The following RASGRP2 variants were observed in gnomAD, a reference collection of about 807,000 sequenced individuals.
RASGRP2 encodes RAS guanyl-releasing protein 2.
RASGRP2 carries 44 observed loss-of-function variants against 71.0 expected under a neutral mutation model. The ratio of observed to expected loss-of-function variants is 0.62; its 90% CI spans 0.49 to 0.80. RASGRP2 has a LOEUF of 0.80. Ranked by LOEUF, RASGRP2 falls within the 30% of genes least tolerant of loss-of-function variation. The pLI, the probability that RASGRP2 is intolerant of heterozygous loss-of-function variation, is 0.00. For missense variants in RASGRP2, 663 were observed against 813.4 expected (o/e 0.82, Z 2.25); for synonymous variants, 350 against 330.7 (o/e 1.06, Z -0.63).
chr11:64,729,554 C>T (rs568012452), intron 14 of RASGRP2, among the ~76,000 whole-genome samples: 1 of 152,226 alleles, frequency 6.6e-6, no homozygotes, highest in African/African-American at 2.4e-5. Context: ...TCAGGCTGGT[C>T]TTGAACTCCT....
At chr11:64,738,488 G>C (rs918357951) in intron 8 of RASGRP2, among the ~76,000 whole-genome samples, 2 of 152,062 alleles carry the variant, frequency 1.3e-5, no homozygotes, top group Admixed American at 6.6e-5. Context: ...CCAGGCTGGA[G>C]TGAAGTGGCA....
At chr11:64,737,910 G>C (rs909660570) in intron 8 of RASGRP2, among the ~76,000 whole-genome samples, 1 of 151,656 alleles carries the variant, frequency 6.6e-6, no homozygotes, top group Non-Finnish European at 1.5e-5. Context: ...GCCAGACGTG[G>C]TGGTACGAGC....
intron 12 of RASGRP2, among the ~76,000 whole-genome samples, chr11:64,731,261 C>T (rs941265445): frequency 6.6e-6 from 1 of 151,186 alleles, no homozygotes; most frequent in Non-Finnish European, 1.5e-5. Context: ...GAGGCTAAGG[C>T]ACGAGAATCA....
At chr11:64,737,064 C>T in intron 8 of RASGRP2, 30 bp from the exon 9 acceptor site, 2 of 1,612,432 alleles carry the variant, frequency 1.2e-6, no homozygotes, top group Non-Finnish European at 1.7e-6. Context: ...GAGTCATACC[C>T]CCACAACTAT....
Position 64,742,119 on chromosome 11 carries a change from C to G in RASGRP2, c.74-7G>C, listed in dbSNP as rs761571079. 1 of 1,578,294 alleles carries G rather than the reference C, an allele frequency of 6.3e-7. No homozygotes were observed. Among genetic ancestry groups the G allele is most frequent in the South Asian group, 1.2e-5 (1 of 86,526 alleles). ...CGCACCTTCCCGGAGTCATCTGACT[C>G]CGAAGGGTCAAAGACAGGTGGCTGA... On this transcript the variant is annotated splice_polypyrimidine_tract_variant and splice_region_variant and intron_variant, in intron 2 of 16. Transcript: ENST00000394432. The surrounding 1 kb of genome is among the most constrained non-coding windows in gnomAD (Gnocchi z 4.7).
chr11:64,726,917 T>G lies in RASGRP2; in HGVS notation c.*221A>C. On this transcript the variant is annotated 3_prime_UTR_variant, in exon 17 of 17. Transcript: ENST00000394432. Reference sequence around the variant, plus strand: ...GGATTCTAGGCGCTGATGGTGAAGGTTAATTACACGGGCCTTTTTATTCCA... The same window carrying G: ...GGATTCTAGGCGCTGATGGTGAAGGGTAATTACACGGGCCTTTTTATTCCA... 5.0e-6 allele frequency: 1 copy of G among 199,168 alleles called. No individual in the cohort carries two copies. Among genetic ancestry groups the G allele is most frequent in the Admixed American group, 5.3e-5 (1 of 18,858 alleles). The allele number at this position is 199,168 out of a possible 1,614,324, so 12.3% of individuals were successfully genotyped here.
In RASGRP2 at chr11:64,736,942, C is replaced by G; in HGVS notation, c.906G>C (p.Pro302=). ...GGTCCTTGAGGTGCACACCCAGGAT[C>G]GGGAAGCGGAAGCCCACACAGGCTG... ...RLAACVGFRF[P]ILGVHLKDLV... is the part of the protein sequence containing the mutation. The change falls in exon 9 of 17, where the codon CCG becomes CCC. Residue 302 remains proline, a synonymous_variant. Transcript: ENST00000394432. The G allele has an allele frequency of 6.2e-7, 1 of 1,613,890 alleles. No homozygotes were observed. Among genetic ancestry groups the G allele is most frequent in the Non-Finnish European group, 8.5e-7 (1 of 1,180,032 alleles).
At position 64,742,090 on chromosome 11, in the gene RASGRP2, G is replaced by C. The variant is rs777850328; in HGVS notation, c.96C>G (p.Asp32Glu). 1 of 1,603,936 alleles carries C rather than the reference G, an allele frequency of 6.2e-7. No homozygotes were observed. The highest frequency in any genetic ancestry group is 1.1e-5 in the South Asian group (1 of 89,416). Residue 32 changes from aspartate to glutamate, a missense_variant, in exon 3 of 17, where the codon GAC becomes GAG. Coordinates refer to ENST00000394432, the MANE Select transcript of RASGRP2 (RefSeq NM_001098671.2). This position sits in a 1 kb window ranked among gnomAD's most constrained non-coding sequence, Gnocchi z 4.7. ...EAFDDSGKVR[D>E]PQLVRMFLMM... is the part of the protein sequence containing the mutation. ...TGAGGAACATGCGCACCAGCTGCGG[G>C]TCCCGCACCTTCCCGGAGTCATCTG...
chr11:64,737,151 C>A, intron 8 of RASGRP2, 117 bp from the exon 9 acceptor site: 1 of 1,275,406 alleles, frequency 7.8e-7, no homozygotes, highest in Non-Finnish European at 1.1e-6. Context: ...AGAGTAAAAA[C>A]CTCCCTTACT....
upstream of RASGRP2, chr11:64,744,337 C>G (rs2058238690): frequency 1.0e-6 from 1 of 985,296 alleles, no homozygotes; most frequent in Non-Finnish European, 1.2e-6. Context: ...ACTCACTCCC[C>G]CAGGCTGGAG....
At chr11:64,727,620 C>G (rs1206085985) in intron 15 of RASGRP2, among the ~76,000 whole-genome samples, 1 of 150,464 alleles carries the variant, frequency 6.6e-6, no homozygotes, top group African/African-American at 2.5e-5. Flanking sequence ...TCAAGCGATT[C>G]TCGTGCCTCA....
rs1592366520 is a variant in RASGRP2 at position 64,735,407 on chromosome 11, G to A, written c.1296+135C>T. ...CCCAGGGGCACTTCAGCCCCGTGCAGCTGGCCTGCCAGGCCCTGTGACTCC... is the reference window on the plus strand; with the variant it reads ...CCCAGGGGCACTTCAGCCCCGTGCAACTGGCCTGCCAGGCCCTGTGACTCC... On this transcript the variant is annotated intron_variant, in intron 11 of 16. Transcript: ENST00000394432. The surrounding 1 kb of genome is among the most constrained non-coding windows in gnomAD (Gnocchi z 4.2). 2.7e-5 allele frequency: 41 copies of A among 1,514,548 alleles called. No individual in the cohort carries two copies. In the East Asian group the frequency reaches 9.2e-4, roughly 34 times the overall value. The allele number at this position is 1,514,548 out of a possible 1,614,324, so 93.8% of individuals were successfully genotyped here.
At chr11:64,744,946 A>AC (rs1395928012), upstream of RASGRP2, 3 of 112,872 alleles carry the variant, frequency 2.7e-5, no homozygotes, top group Non-Finnish European at 3.6e-5. Context: ...CGGCTGCGCC[A>AC]CCCCCACCGG....
intron 14 of RASGRP2, 47 bp downstream of exon 14, chr11:64,729,715 A>AAC (rs2057697775): frequency 2.2e-6 from 3 of 1,365,904 alleles, no homozygotes; most frequent in African/African-American, 2.8e-5. Context: ...CAAACAAACA[A>AAC]AAAAAAAAAA....
chr11:64,739,342 C>A lies in RASGRP2; in HGVS notation c.813+18G>T, dbSNP rs1176332701. The A allele has an allele frequency of 6.2e-7, 1 of 1,602,330 alleles. No individual in the cohort carries two copies. The highest frequency in any genetic ancestry group is 1.7e-5 in the Admixed American group (1 of 60,012). ...AGACAGACCTGGGAAGCACCGGCCC[C>A]TCCCCAGTCCCAGGCACCTTGATGG... On this transcript the variant is annotated intron_variant, in intron 8 of 16. Transcript: ENST00000394432. The surrounding 1 kb of genome is among the most constrained non-coding windows in gnomAD (Gnocchi z 4.2).
intron 3 of RASGRP2, 146 bp downstream of exon 3, chr11:64,741,864 C>G: frequency 1.3e-6 from 1 of 747,488 alleles, no homozygotes; most frequent in Non-Finnish European, 2.4e-6. Flanking sequence ...AGCCTAGGCC[C>G]TAGTTGGAGG....
chr11:64,739,790 A>C lies in RASGRP2; in HGVS notation c.542T>G (p.Phe181Cys). 1 of 1,613,856 alleles carries C rather than the reference A, an allele frequency of 6.2e-7. No individual in the cohort carries two copies. The highest frequency in any genetic ancestry group is 8.5e-7 in the Non-Finnish European group (1 of 1,179,914). Residue 181 changes from phenylalanine (F) to cysteine (C), a missense_variant, in exon 7 of 17, where the codon TTC becomes TGC. By Grantham distance (205) the Phe-to-Cys change is radical. Transcript: ENST00000394432. This position sits in a 1 kb window ranked among gnomAD's most constrained non-coding sequence, Gnocchi z 4.2. ...GTCCACAGTGCAGCCATGAGTCACG[A>C]AACTGTGATAGTCCTGAAACTGGGG... ...CKILFQDYHS[F>C]VTHGCTVDNP...
Position 64,742,385 on chromosome 11 carries a change from C to A in RASGRP2, c.74-273G>T, listed in dbSNP as rs1029148699. On this transcript the variant is annotated intron_variant, in intron 2 of 16. Transcript: ENST00000394432. The surrounding 1 kb of genome is among the most constrained non-coding windows in gnomAD (Gnocchi z 4.7). ...AGCTGGGGCGGAAGGAGCCTGGGTTCCCCGGGGTCAAGAATCCAGAGGTCA... is the reference window on the plus strand; with the variant it reads ...AGCTGGGGCGGAAGGAGCCTGGGTTACCCGGGGTCAAGAATCCAGAGGTCA... The A allele has an allele frequency of 9.3e-5, 54 of 582,412 alleles. No homozygotes were observed. Among genetic ancestry groups the A allele is most frequent in the Non-Finnish European group, 1.5e-4 (49 of 325,374 alleles). 36.1% of individuals were successfully genotyped at this position (582,412 alleles called of 1,614,324 possible).
chr11:64,741,508 G>T lies in RASGRP2; in HGVS notation c.177-7C>A. On this transcript the variant is annotated splice_polypyrimidine_tract_variant and splice_region_variant and intron_variant, in intron 3 of 16. Coordinates refer to ENST00000394432, the MANE Select transcript of RASGRP2 (RefSeq NM_001098671.2). ...CTTCCGGGATTGTTGGTAGGTGAAG[G>T]AGAGGGTTAAGGAGGCCGCTTAACT... 6.3e-7 allele frequency: 1 copy of T among 1,575,860 alleles called. No individual in the cohort carries two copies. Among genetic ancestry groups the T allele is most frequent in the Non-Finnish European group, 8.6e-7 (1 of 1,158,474 alleles).
Sources: allele counts gnomAD v4.1 joint callset (sites outside exome capture counted in the v4.1 genomes callset), GRCh38; gene constraint gnomAD v4.1.1; non-coding constraint Gnocchi (gnomAD v3.1); transcripts MANE v1.5; gene names NCBI Gene and HGNC (gene_info 2026-07-23, HGNC 2026-07-21).